Variants in USP48 observed in about 807,000 individuals in gnomAD.
USP48 encodes ubiquitin specific peptidase 48, also known as ubiquitin carboxyl-terminal hydrolase 48.
Under a neutral mutation model 150.7 loss-of-function variants are expected in USP48, and 43 were observed. The observed-to-expected ratio is 0.29, with a 90% CI of 0.22 to 0.37. The LOEUF is 0.37. Ranked by LOEUF, USP48 falls within the 10% of genes least tolerant of loss-of-function variation. The pLI is 1.00. For synonymous variants in USP48, 396 were observed against 425.9 expected, an observed-to-expected ratio of 0.93 and a Z score of 0.86; for missense variants, 813 against 1,249.6, an observed-to-expected ratio of 0.65 and a Z score of 5.27.
chr1:21,679,966 T>C (rs145805832), intron 26 of USP48, among the ~76,000 whole-genome samples: 1 of 152,238 alleles, frequency 6.6e-6, no homozygotes, highest in East Asian at 1.9e-4. Context: ...AGTGCTGGGA[T>C]TACAGGCGTG....
At chr1:21,770,517 T>A (rs1295145550) in intron 1 of USP48, among the ~76,000 whole-genome samples, 1 of 148,066 alleles carries the variant, frequency 6.8e-6, no homozygotes, top group Non-Finnish European at 1.5e-5. Context: ...GAGCTCACTC[T>A]GTTGCCCAGG....
At chr1:21,700,526 C>T (rs1307605435) in intron 22 of USP48, among the ~76,000 whole-genome samples, 1 of 152,222 alleles carries the variant, frequency 6.6e-6, no homozygotes. Context: ...TACCTCTGCC[C>T]TGTCACAGAT....
In USP48 at chr1:21,703,589, A is replaced by G. The variant is rs1179971867; in HGVS notation, c.2545T>C (p.Leu849=). 1 of 1,611,152 alleles carries G rather than the reference A, an allele frequency of 6.2e-7. No homozygotes were observed. The highest frequency in any genetic ancestry group is 8.5e-7 in the Non-Finnish European group (1 of 1,179,900). The change falls in exon 21 of 27, where the codon TTG becomes CTG. Residue 849 remains leucine (L), a synonymous_variant. Coordinates refer to ENST00000308271, the MANE Select transcript of USP48 (RefSeq NM_032236.8). Reference sequence around the variant, plus strand: ...CGCAGGTCCCTCTGCTGCTGACACAATAAGCCTTCTCTGCATTCTGGACAG... The same window carrying G: ...CGCAGGTCCCTCTGCTGCTGACACAGTAAGCCTTCTCTGCATTCTGGACAG... The part of the protein sequence containing the change: ...KLCPECREGL[L]CQQQRDLREY...
chr1:21,721,671 A>T lies in USP48; in HGVS notation c.1742T>A (p.Leu581Gln), dbSNP rs1484929989. 6.2e-7 allele frequency: 1 copy of T among 1,601,010 alleles called. No individual in the cohort carries two copies. Among genetic ancestry groups the T allele is most frequent in the Admixed American group, 1.7e-5 (1 of 58,528 alleles). ...ATACCCCTTTACTGCTGCTTTCAGC[A>T]GATTATTAACAGTTTTATAATCTTC... The part of the protein sequence containing the change: ...LNEDYKTVNN[L>Q]LKAAVKGSDG... The change falls in exon 13 of 27, where the codon CTG becomes CAG. Residue 581 changes from leucine to glutamine, a missense_variant. Transcript: ENST00000308271.
At chr1:21,704,632 T>C (rs986186453) in intron 19 of USP48, 18 of 382,810 alleles carry the variant, frequency 4.7e-5, no homozygotes, top group Non-Finnish European at 6.5e-5. Flanking sequence ...AAAAACATAA[T>C]TGAGTAAAAT....
Position 21,689,358 on chromosome 1 carries a change from G to A in USP48, c.3009+616C>T, listed in dbSNP as rs138806862. Among the ~76,000 whole-genome samples the A allele has an allele frequency of 2.8e-3, 422 of 150,500 alleles. 1 individual carries two copies. Among genetic ancestry groups the A allele is most frequent in the African/African-American group, 9.7e-3 (398 of 41,066 alleles). ...GCGGGGGGTTGGAGGGCATTGGGGA[G>A]GGGACACCACAGAAACTTTGTGACC... On this transcript the variant is annotated intron_variant, in intron 24 of 26. Transcript: ENST00000308271.
At position 21,706,534 on chromosome 1, in the gene USP48, T is replaced by C; in HGVS notation, c.2144A>G (p.Glu715Gly). ...CAAATTTGGGAGAGAAGTCTTTTGC[T>C]CGTTTGCAATCATCTTATGTAAGGC... ...NEALHKMIANEQKTSLPNLFQ... is the reference protein window; with the variant it reads ...NEALHKMIANGQKTSLPNLFQ... The change falls in exon 17 of 27, where the codon GAG becomes GGG. Residue 715 changes from glutamate to glycine, a missense_variant. Transcript: ENST00000308271. 1 of 1,614,222 alleles carries C rather than the reference T, an allele frequency of 6.2e-7. No individual in the cohort carries two copies. Among genetic ancestry groups the C allele is most frequent in the Non-Finnish European group, 8.5e-7 (1 of 1,180,030 alleles).
intron 9 of USP48, among the ~76,000 whole-genome samples, chr1:21,730,838 G>A (rs2097755008): frequency 4.0e-5 from 6 of 149,324 alleles, no homozygotes; most frequent in Admixed American, 4.0e-4. Flanking sequence ...TTGGCTCACT[G>A]CAACCTCTAC....
Position 21,679,185 on chromosome 1 carries a change from A to T in USP48, c.*232T>A, listed in dbSNP as rs1359897744. ...CTTTACTTGCCCCCTCCCACCCACC[A>T]CCCCCCTTAAATATAAAATTGGAAA... On this transcript the variant is annotated 3_prime_UTR_variant, in exon 27 of 27. Transcript: ENST00000308271. The T allele has an allele frequency of 4.0e-6, 1 of 252,542 alleles. No individual in the cohort carries two copies. The allele number at this position is 252,542 out of a possible 1,614,324, so 15.6% of individuals were successfully genotyped here.
intron 22 of USP48, among the ~76,000 whole-genome samples, chr1:21,695,640 T>TCGAA (rs924528572): frequency 7.9e-5 from 12 of 152,252 alleles, no homozygotes; most frequent in Non-Finnish European, 1.5e-4. Flanking sequence ...GCCCAGTGGT[T>TCGAA]CCAGGCTGCA....
At chr1:21,755,344 T>C (rs1036819330) in intron 3 of USP48, among the ~76,000 whole-genome samples, 28 of 152,080 alleles carry the variant, frequency 1.8e-4, no homozygotes, top group Non-Finnish European at 3.8e-4. Context: ...GTGGATCGAT[T>C]GAACCCAGGA....
chr1:21,714,875 G>A (rs1160209478), intron 15 of USP48, among the ~76,000 whole-genome samples: 1 of 152,178 alleles, frequency 6.6e-6, no homozygotes, highest in Non-Finnish European at 1.5e-5. Context: ...CGAGCCCAGT[G>A]GCTCGTGCCT....
chr1:21,706,962 G>A lies in USP48; in HGVS notation c.1964-94C>T, dbSNP rs994328858. 6.6e-6 allele frequency: 9 copies of A among 1,360,526 alleles called. No homozygotes were observed. In the Admixed American group the frequency reaches 1.3e-4, roughly 19 times the overall value. 84.3% of individuals were successfully genotyped at this position (1,360,526 alleles called of 1,614,324 possible). ...TTCTTAAACTTAAGAAAAATCCACAGGTACGCTTTTCTTGCTTTGCTAAAG... is the reference window on the plus strand; with the variant it reads ...TTCTTAAACTTAAGAAAAATCCACAAGTACGCTTTTCTTGCTTTGCTAAAG... On this transcript the variant is annotated intron_variant, in intron 15 of 26. Transcript: ENST00000308271.
intron 23 of USP48, among the ~76,000 whole-genome samples, chr1:21,690,584 C>G (rs980804900): frequency 6.6e-6 from 1 of 151,824 alleles, no homozygotes; most frequent in African/African-American, 2.4e-5. Context: ...AGTGCAGTGG[C>G]GCGATCATGG....
rs563466348 is a variant in USP48, at chr1:21,779,556, T to A, written c.134+3268A>T. ...GAGAGACTCCGTCTCAAAAAAAAAA[T>A]AATAATAATAATAAAAAGTTAAAAG... On this transcript the variant is annotated intron_variant, in intron 1 of 26. Transcript: ENST00000308271. Among the ~76,000 whole-genome samples the A allele has an allele frequency of 1.1e-3, 172 of 150,892 alleles. 1 individual carries two copies. The highest frequency in any genetic ancestry group is 7.8e-3 in the South Asian group (37 of 4,750).
chr1:21,683,125 G>A (rs2097571243), intron 25 of USP48, among the ~76,000 whole-genome samples: 1 of 152,124 alleles, frequency 6.6e-6, no homozygotes, highest in South Asian at 2.1e-4. Flanking sequence ...GCCAGGCATG[G>A]TGTTGCATGC....
At chr1:21,760,889 T>G (rs577853308) in intron 1 of USP48, among the ~76,000 whole-genome samples, 3 of 151,748 alleles carry the variant, frequency 2.0e-5, no homozygotes, top group African/African-American at 4.8e-5. Flanking sequence ...AGGTCGGGAT[T>G]TCGAGACCAG....
intron 6 of USP48, among the ~76,000 whole-genome samples, chr1:21,750,719 AC>A (rs111491844): frequency 0.076 from 11,487 of 151,860 alleles, 482 homozygotes; most frequent in Middle Eastern, 0.11. Flanking sequence ...CTAAAAATAC[AC>A]ACACAAAAAA....
Position 21,736,575 on chromosome 1 carries a change from T to A in USP48, c.1042A>T (p.Ser348Cys), listed in dbSNP as rs1295730766. The change falls in exon 9 of 27, where the codon AGT (serine) becomes TGT (cysteine). Residue 348 changes from serine (S) to cysteine (C), a missense_variant. Coordinates refer to ENST00000308271, the MANE Select transcript of USP48 (RefSeq NM_032236.8). ...GCGATGTAGTGGCCAGAATAAGCACTCACTCCTCTGTGTATGAGGACTGCG... is the reference window on the plus strand; with the variant it reads ...GCGATGTAGTGGCCAGAATAAGCACACACTCCTCTGTGTATGAGGACTGCG... ...LSAVLIHRGV[S>C]AYSGHYIAHV... The A allele has an allele frequency of 6.3e-7, 1 of 1,580,790 alleles. No individual in the cohort carries two copies. The highest frequency in any genetic ancestry group is 1.9e-5 in the Admixed American group (1 of 53,274).
Sources: allele counts gnomAD v4.1 joint callset (sites outside exome capture counted in the v4.1 genomes callset), GRCh38; gene constraint gnomAD v4.1.1; transcripts MANE v1.5; gene names NCBI Gene and HGNC (gene_info 2026-07-23, HGNC 2026-07-21).